The following CNNM2 variants were observed in gnomAD, a reference collection of about 807,000 sequenced individuals.
The protein encoded by CNNM2 is cyclin and CBS domain divalent metal cation transport mediator 2, also known as metal transporter CNNM2.
Under a neutral mutation model 66.9 loss-of-function variants are expected in CNNM2, and 12 were observed. The observed-to-expected ratio is 0.18, with a 90% confidence interval of 0.11 to 0.29. The LOEUF (loss-of-function observed/expected upper bound fraction) is 0.29. Ranked by LOEUF, CNNM2 falls within the 10% of genes least tolerant of loss-of-function variation. The probability of loss-of-function intolerance (pLI) is 1.00; values close to 1 mark genes in which losing one functional copy is unlikely to be tolerated. For missense variants in CNNM2, 705 were observed against 1,167.7 expected (o/e 0.60, Z 5.77); for synonymous variants, 557 against 501.8 (o/e 1.11, Z -1.47).
chr10:102,937,919 C>T (rs931288743), intron 1 of CNNM2, among the ~76,000 whole-genome samples: 4 of 151,860 alleles, frequency 2.6e-5, no homozygotes, highest in African/African-American at 9.7e-5. Context: ...GCCACTGCAC[C>T]CAACCCCAGA....
chr10:102,938,611 C>A (rs1312913500), intron 1 of CNNM2, among the ~76,000 whole-genome samples: 3 of 96,754 alleles, frequency 3.1e-5, no homozygotes, highest in Admixed American at 1.3e-4. Context: ...CAGAGTGAGA[C>A]CCTGTCTCAA....
rs572176066 is a variant in CNNM2, at chr10:103,012,383, C to T, written c.1622-37324C>T. Among the ~76,000 whole-genome samples, 8 of 152,294 alleles carry T rather than the reference C, an allele frequency of 5.3e-5. No homozygotes were observed. Among genetic ancestry groups the T allele is most frequent in the African/African-American group, 1.4e-4 (6 of 41,570 alleles). ...TTGCCAGGCTGGGCATGGTGGCTCG[C>T]GCCTGTAATCCCAGCACTTTGGGAG... On this transcript the variant is annotated intron_variant, in intron 1 of 7. Transcript: ENST00000369878.
intron 1 of CNNM2, among the ~76,000 whole-genome samples, chr10:103,005,269 C>G (rs2064203343): frequency 1.3e-5 from 2 of 152,060 alleles, no homozygotes. Flanking sequence ...TTTGCTAGTT[C>G]ATTCTTAAGT....
chr10:102,929,698 A>T (rs1846001944), intron 1 of CNNM2, among the ~76,000 whole-genome samples: 1 of 152,188 alleles, frequency 6.6e-6, no homozygotes, highest in Non-Finnish European at 1.5e-5. Flanking sequence ...TGAGTTGTTT[A>T]TCCGCTCATC....
At position 103,082,785 on chromosome 10, in the gene CNNM2, T is replaced by C. The variant is rs2065769864; in HGVS notation, c.*5605T>C. 6.6e-6 allele frequency: 1 copy of C among 151,436 alleles called. No individual in the cohort carries two copies. Among genetic ancestry groups the C allele is most frequent in the African/African-American group, 2.4e-5 (1 of 41,126 alleles). The allele number at this position is 151,436 out of a possible 1,614,324, so 9.4% of individuals were successfully genotyped here. On this transcript the variant is annotated 3_prime_UTR_variant, in exon 8 of 8. Coordinates refer to ENST00000369878, the MANE Select transcript of CNNM2 (RefSeq NM_017649.5). ...TGGATGAGGATGGAGGCAGGTCTCC[T>C]ACCTTGTGGGCAGGGCCTCTCAAGT...
In CNNM2 at chr10:103,082,895, GC is replaced by G. The variant is rs1257019492; in HGVS notation, c.*5717del. The stretch of plus-strand genomic sequence containing the variant: ...GGTACAGTACAGCTGTGAGTCCACG[GC>G]CTCCCTCCTCCCAAGGCAGGTCACT... On this transcript the variant is annotated 3_prime_UTR_variant, in exon 8 of 8. Transcript: ENST00000369878. 1 of 152,172 alleles carries G rather than the reference GC, an allele frequency of 6.6e-6. No individual in the cohort carries two copies. Among genetic ancestry groups the G allele is most frequent in the African/African-American group, 2.4e-5 (1 of 41,408 alleles). The allele number at this position is 152,172 out of a possible 1,614,324, so 9.4% of individuals were successfully genotyped here. A position where few individuals can be genotyped will look rare whatever the true frequency, so the allele number is the denominator to read the frequency against.
chr10:103,063,062 CG>C (rs1554905293), intron 4 of CNNM2, among the ~76,000 whole-genome samples: 1 of 152,186 alleles, frequency 6.6e-6, no homozygotes, highest in Non-Finnish European at 1.5e-5. Context: ...GTGGCCAAGG[CG>C]GGTGCTGGCA....
intron 5 of CNNM2, among the ~76,000 whole-genome samples, chr10:103,071,403 C>T (rs186240281): frequency 7.2e-5 from 11 of 152,324 alleles, no homozygotes; most frequent in South Asian, 2.1e-4. Context: ...CAGGCGCCAG[C>T]GGTTTGAGTC....
At chr10:102,968,114 A>AAT (rs141481503) in intron 1 of CNNM2, among the ~76,000 whole-genome samples, 5 of 151,824 alleles carry the variant, frequency 3.3e-5, no homozygotes, top group Non-Finnish European at 7.4e-5. Flanking sequence ...ATATAGTAAG[A>AAT]ATATATATAT....
At chr10:103,042,110 G>A (rs1471552509) in intron 1 of CNNM2, among the ~76,000 whole-genome samples, 5 of 152,140 alleles carry the variant, frequency 3.3e-5, no homozygotes, top group African/African-American at 1.2e-4. Context: ...CACTGGGAGC[G>A]GCAGCTCTGT....
intron 1 of CNNM2, among the ~76,000 whole-genome samples, chr10:102,953,242 G>A (rs1343008791): frequency 6.6e-6 from 1 of 152,240 alleles, no homozygotes; most frequent in African/African-American, 2.4e-5. Context: ...GTTTTCAGGT[G>A]ATAATAATTG....
At chr10:102,939,324 T>G (rs1454448686) in intron 1 of CNNM2, among the ~76,000 whole-genome samples, 1 of 152,252 alleles carries the variant, frequency 6.6e-6, no homozygotes, top group African/African-American at 2.4e-5. Context: ...CTGCAAGATT[T>G]CTTCAAGAAT....
At chr10:102,935,356 G>A (rs933737935) in intron 1 of CNNM2, among the ~76,000 whole-genome samples, 1 of 151,826 alleles carries the variant, frequency 6.6e-6, no homozygotes, top group African/African-American at 2.4e-5. Flanking sequence ...TAGCTACTTG[G>A]GGGGTTGAGG....
chr10:103,053,459 T>A (rs534394858), intron 2 of CNNM2, among the ~76,000 whole-genome samples: 2 of 152,310 alleles, frequency 1.3e-5, no homozygotes, highest in South Asian at 4.1e-4. Flanking sequence ...GAGGCTGCAG[T>A]GAGCTGCGAT....
intron 1 of CNNM2, among the ~76,000 whole-genome samples, chr10:103,039,299 G>C (rs1174195972): frequency 1.3e-5 from 2 of 152,070 alleles, no homozygotes; most frequent in Admixed American, 1.3e-4. Flanking sequence ...ACCATGCCTG[G>C]CTAATTTTTG....
In CNNM2 at chr10:103,086,577, CAT is replaced by C. The variant is rs2065814943; in HGVS notation, c.*9398_*9399del. On this transcript the variant is annotated 3_prime_UTR_variant, in exon 8 of 8. Transcript: ENST00000369878. ...TGACAAAGTATTTCTTAAATAAATA[CAT>C]CTGATTTAGAAATACCTAAACATGG... The C allele has an allele frequency of 2.6e-5, 4 of 152,182 alleles. No homozygotes were observed. Among genetic ancestry groups the C allele is most frequent in the African/African-American group, 9.7e-5 (4 of 41,446 alleles). 9.4% of individuals were successfully genotyped at this position (152,182 alleles called of 1,614,324 possible).
At chr10:103,062,393 G>A (rs2065402485) in intron 4 of CNNM2, among the ~76,000 whole-genome samples, 1 of 152,176 alleles carries the variant, frequency 6.6e-6, no homozygotes, top group Admixed American at 6.5e-5. Flanking sequence ...TTTTTAAGTT[G>A]CACGGTCTGT....
At chr10:102,971,302 C>A (rs2063544086) in intron 1 of CNNM2, among the ~76,000 whole-genome samples, 1 of 150,914 alleles carries the variant, frequency 6.6e-6, no homozygotes, top group Non-Finnish European at 1.5e-5. Flanking sequence ...AGAAAGTCAC[C>A]CAGTAAACAA....
At chr10:103,025,165 C>T (rs751831808) in intron 1 of CNNM2, among the ~76,000 whole-genome samples, 30 of 152,324 alleles carry the variant, frequency 2.0e-4, no homozygotes, top group Middle Eastern at 6.8e-3. Flanking sequence ...GATCTCCGCT[C>T]GCGGCAACCT....
Sources: allele counts gnomAD v4.1 joint callset (sites outside exome capture counted in the v4.1 genomes callset), GRCh38; gene constraint gnomAD v4.1.1; transcripts MANE v1.5; gene names NCBI Gene and HGNC (gene_info 2026-07-23, HGNC 2026-07-21).